The following DMC1 variants were observed in gnomAD, a reference collection of about 807,000 sequenced individuals.
The protein encoded by DMC1 is DNA meiotic recombinase 1.
In DMC1, 27 loss-of-function variants were observed where a neutral mutation model predicts 50.1. The observed-to-expected ratio is 0.54, with a 90% CI of 0.40 to 0.74. The LOEUF is 0.74. DMC1 is among the 30% of genes least tolerant of loss of function. DMC1 has a pLI of 0.00. For synonymous variants in DMC1, 148 were observed against 136.1 expected, an observed-to-expected ratio of 1.09 and a Z score of -0.61; for missense variants, 295 against 420.2, an observed-to-expected ratio of 0.70 and a Z score of 2.60.
rs547244202 is a variant in DMC1, at chr22:38,554,740, C to T, written c.379+617G>A. Among the ~76,000 whole-genome samples, 10 of 151,730 alleles carry T rather than the reference C, an allele frequency of 6.6e-5. No individual in the cohort carries two copies. In the South Asian group the frequency reaches 2.1e-3, roughly 32 times the overall value. On this transcript the variant is annotated intron_variant, in intron 6 of 13. Coordinates refer to ENST00000216024, the MANE Select transcript of DMC1 (RefSeq NM_007068.4). The stretch of plus-strand genomic sequence containing the variant: ...GAATCTAGTCTCTATGTTCATGGAA[C>T]ATTAATTGCCTAGAAATAAAATCAG...
intron 4 of DMC1, 42 bp downstream of exon 4, chr22:38,566,548 G>A: frequency 6.2e-7 from 1 of 1,611,094 alleles, no homozygotes; most frequent in East Asian, 2.2e-5. Context: ...AGATTCACAA[G>A]GCCCTGCCAA....
chr22:38,566,872 C>T (rs921367536), intron 3 of DMC1, 136 bp from the exon 4 acceptor site: 23 of 832,352 alleles, frequency 2.8e-5, no homozygotes, highest in Non-Finnish European at 4.6e-5. Context: ...TGGAACCCAC[C>T]CACCATGTAG....
At chr22:38,560,990 A>C (rs1419487242) in intron 5 of DMC1, among the ~76,000 whole-genome samples, 1 of 151,998 alleles carries the variant, frequency 6.6e-6, no homozygotes, top group Non-Finnish European at 1.5e-5. Context: ...ACTTAAATTT[A>C]GTAATTCCTT....
chr22:38,523,769 GA>G (rs71853090), intron 12 of DMC1, among the ~76,000 whole-genome samples: 13,966 of 145,722 alleles, frequency 0.096, 885 homozygotes, highest in African/African-American at 0.18. Context: ...CTCTGTCTCA[GA>G]AAAAAAAAAA....
intron 8 of DMC1, among the ~76,000 whole-genome samples, chr22:38,541,488 C>T (rs112585356): frequency 0.029 from 4,483 of 152,218 alleles, 214 homozygotes; most frequent in African/African-American, 0.1. Context: ...GACAAGGTTT[C>T]GCCATGTTGG....
intron 8 of DMC1, among the ~76,000 whole-genome samples, chr22:38,542,694 G>A (rs1010159091): frequency 1.3e-5 from 2 of 152,052 alleles, no homozygotes; most frequent in African/African-American, 4.8e-5. Context: ...CAGAGAAATA[G>A]AAAAACAACC....
At chr22:38,568,501 A>G (rs1027793053) in intron 1 of DMC1, 1 of 552,812 alleles carries the variant, frequency 1.8e-6, no homozygotes, top group Non-Finnish European at 3.2e-6. Context: ...CCACATGCAC[A>G]CAGATGCCTG....
chr22:38,535,143 C>G (rs1307389199), intron 12 of DMC1, among the ~76,000 whole-genome samples: 1 of 149,856 alleles, frequency 6.7e-6, no homozygotes, highest in Admixed American at 6.7e-5. Context: ...ACTAAAAATA[C>G]AAAAAATTAG....
rs1204888454 is a variant in DMC1, at chr22:38,568,270, C to A, written c.-14G>T. 7 of 1,613,590 alleles carry A rather than the reference C, an allele frequency of 4.3e-6. No individual in the cohort carries two copies. Among genetic ancestry groups the A allele is most frequent in the Non-Finnish European group, 5.9e-6 (7 of 1,179,710 alleles). ...ATCCTCCTTCATATTGAAAAGTGGG[C>A]AACAGAAAAATAATCACTTCTGGGA... On this transcript the variant is annotated 5_prime_UTR_variant, in exon 2 of 14. Transcript: ENST00000216024.
At chr22:38,539,511 C>A in intron 8 of DMC1, 99 bp from the exon 9 acceptor site, 3 of 916,482 alleles carry the variant, frequency 3.3e-6, no homozygotes, top group East Asian at 2.5e-5. Context: ...ACAGAGAAGC[C>A]AAACAATGTA....
intron 12 of DMC1, 134 bp from the exon 13 acceptor site, chr22:38,521,858 G>C: frequency 1.4e-6 from 1 of 734,558 alleles, no homozygotes; most frequent in Non-Finnish European, 2.5e-6. Flanking sequence ...GCAGAGGCTT[G>C]TTCATAAACT....
intron 5 of DMC1, among the ~76,000 whole-genome samples, chr22:38,558,191 G>A (rs2090489091): frequency 6.6e-6 from 1 of 150,958 alleles, no homozygotes; most frequent in Non-Finnish European, 1.5e-5. Flanking sequence ...TGATCCACCC[G>A]CCTCAGCCTC....
intron 9 of DMC1, 113 bp downstream of exon 9, chr22:38,539,208 T>C: frequency 1.3e-6 from 1 of 779,614 alleles, no homozygotes; most frequent in Non-Finnish European, 2.2e-6. Context: ...AGTAAATTAA[T>C]TTAGAGAAAA....
chr22:38,553,212 T>G (rs1196416795), intron 6 of DMC1, among the ~76,000 whole-genome samples: 1 of 150,884 alleles, frequency 6.6e-6, no homozygotes, highest in Non-Finnish European at 1.5e-5. Context: ...TAAATGAAAG[T>G]TTAAGGCCGG....
At chr22:38,540,041 A>G (rs941830982) in intron 8 of DMC1, among the ~76,000 whole-genome samples, 1 of 152,152 alleles carries the variant, frequency 6.6e-6, no homozygotes, top group African/African-American at 2.4e-5. Flanking sequence ...ATATCGACCA[A>G]AGGTTTTTTG....
At chr22:38,551,683 G>C (rs1188556826) in intron 7 of DMC1, among the ~76,000 whole-genome samples, 1 of 151,858 alleles carries the variant, frequency 6.6e-6, no homozygotes, top group African/African-American at 2.4e-5. Flanking sequence ...TTTATACCAG[G>C]TACATACATT....
chr22:38,522,016 G>A (rs2090034346), intron 12 of DMC1, among the ~76,000 whole-genome samples: 1 of 151,470 alleles, frequency 6.6e-6, no homozygotes, highest in Admixed American at 6.6e-5. Context: ...GCAGTGGTGT[G>A]ATCTCACTCA....
At chr22:38,546,751 A>C (rs2090348537) in intron 8 of DMC1, among the ~76,000 whole-genome samples, 1 of 152,216 alleles carries the variant, frequency 6.6e-6, no homozygotes, top group South Asian at 2.1e-4. Flanking sequence ...AGAGCCTTAA[A>C]TGATTTGTAT....
intron 11 of DMC1, 72 bp downstream of exon 11, chr22:38,538,223 A>G: frequency 7.9e-7 from 1 of 1,271,056 alleles, no homozygotes; most frequent in Non-Finnish European, 1.1e-6. Context: ...TCCTGACATT[A>G]TATTCCAAGC....
Sources: gnomAD v4.1 joint callset for allele counts (sites outside exome capture counted in the v4.1 genomes callset) on GRCh38, gnomAD v4.1.1 for gene constraint, MANE v1.5 for transcripts, NCBI Gene and HGNC (gene_info 2026-07-23, HGNC 2026-07-21) for gene names.